The following SLC35F3 variants were observed in gnomAD, a reference collection of about 807,000 sequenced individuals.
The protein encoded by SLC35F3 is putative thiamine transporter SLC35F3.
A neutral mutation model predicts 49.9 loss-of-function variants in SLC35F3; 25 were observed. That is an observed-to-expected ratio of 0.50 (90% CI 0.37 to 0.70). The LOEUF (loss-of-function observed/expected upper bound fraction) is 0.70. Among genes scored for constraint, SLC35F3 ranks in the 30% least tolerant of loss-of-function variants. The pLI is 0.00. For missense variants in SLC35F3, 525 were observed against 639.8 expected (o/e 0.82, Z 1.94); for synonymous variants, 275 against 265.4 (o/e 1.04, Z -0.35).
At chr1:234,090,224 A>T (rs750371340) in intron 2 of SLC35F3, among the ~76,000 whole-genome samples, 2 of 152,278 alleles carry the variant, frequency 1.3e-5, no homozygotes, top group Admixed American at 1.3e-4. Flanking sequence ...ACTGTGTGCT[A>T]TGTGCCAGAG....
At chr1:234,232,537 AAAAG>A (rs1285011516) in intron 3 of SLC35F3, among the ~76,000 whole-genome samples, 4 of 149,114 alleles carry the variant, frequency 2.7e-5, no homozygotes, top group East Asian at 3.9e-4. Context: ...AAAAAAAAAA[AAAAG>A]AAAAAGAAAA....
At chr1:233,911,818 G>A (rs1661879285) in intron 2 of SLC35F3, among the ~76,000 whole-genome samples, 1 of 152,136 alleles carries the variant, frequency 6.6e-6, no homozygotes, top group African/African-American at 2.4e-5. Context: ...TGGGGAAATG[G>A]CCTCACCTCC....
At chr1:234,290,265 C>CA (rs1553261764) in intron 3 of SLC35F3, among the ~76,000 whole-genome samples, 4 of 151,174 alleles carry the variant, frequency 2.6e-5, no homozygotes, top group Non-Finnish European at 5.9e-5. Flanking sequence ...GCTTCAGAAG[C>CA]AAAATGAAGA....
At chr1:233,933,772 C>G (rs116339987) in intron 2 of SLC35F3, among the ~76,000 whole-genome samples, 1 of 152,098 alleles carries the variant, frequency 6.6e-6, no homozygotes, top group African/African-American at 2.4e-5. Context: ...ACCTGGAAGG[C>G]GTAGGCGTAG....
chr1:234,023,710 T>G (rs1336487700), intron 2 of SLC35F3, among the ~76,000 whole-genome samples: 1 of 151,982 alleles, frequency 6.6e-6, no homozygotes, highest in Non-Finnish European at 1.5e-5. Context: ...AGGGTCCACA[T>G]CATGCTGGTA....
intron 2 of SLC35F3, among the ~76,000 whole-genome samples, chr1:234,164,873 C>T (rs1401149765): frequency 6.6e-6 from 1 of 151,976 alleles, no homozygotes; most frequent in South Asian, 2.1e-4. Context: ...GACATTATTT[C>T]CTGTGTTTTG....
intron 3 of SLC35F3, among the ~76,000 whole-genome samples, chr1:234,236,610 G>T (rs1351730260): frequency 6.6e-6 from 1 of 152,026 alleles, no homozygotes; most frequent in Non-Finnish European, 1.5e-5. Context: ...GATGTAATTG[G>T]GGTAAGGTGA....
rs934979301 is a variant in SLC35F3 at position 234,036,820 on chromosome 1, G to T, written c.283+131062G>T. Among the ~76,000 whole-genome samples the T allele has an allele frequency of 3.3e-5, 5 of 152,252 alleles. No individual in the cohort carries two copies. The South Asian group carries it at 6.2e-4, about 19-fold the overall frequency. Reference sequence around the variant, plus strand: ...TGCCATCAATTTCTGAGCCTTCTTGGGGTTTTGTAGTATAATTAGTTTGGT... The same window carrying T: ...TGCCATCAATTTCTGAGCCTTCTTGTGGTTTTGTAGTATAATTAGTTTGGT... On this transcript the variant is annotated intron_variant, in intron 2 of 7. Coordinates refer to ENST00000366618, the MANE Select transcript of SLC35F3 (RefSeq NM_173508.4).
chr1:234,006,229 G>GAAA (rs1663628699), intron 2 of SLC35F3, among the ~76,000 whole-genome samples: 2 of 152,064 alleles, frequency 1.3e-5, no homozygotes, highest in Non-Finnish European at 2.9e-5. Context: ...GAGAATAAAT[G>GAAA]GCTAGTTCAT....
chr1:234,017,290 A>ATG lies in SLC35F3; in HGVS notation c.283+111533_283+111534dup, dbSNP rs557798290. 4.6e-5 allele frequency among the ~76,000 whole-genome samples: 7 copies of ATG among 152,364 alleles called. No homozygotes were observed. The South Asian group carries it at 1.4e-3, about 32-fold the overall frequency. ...AGTGGTGATGTTCTATAAAGTCATC[A>ATG]TGAACACTGAATTAAGGAATACTGA... is the stretch of plus-strand genomic sequence containing the variant. On this transcript the variant is annotated intron_variant, in intron 2 of 7. Transcript: ENST00000366618.
intron 2 of SLC35F3, among the ~76,000 whole-genome samples, chr1:233,929,181 G>A (rs1419763518): frequency 6.6e-6 from 1 of 152,170 alleles, no homozygotes; most frequent in Admixed American, 6.5e-5. Context: ...CAAGGGTAGA[G>A]AAACAGAATT....
At chr1:234,021,605 C>T (rs1663897295) in intron 2 of SLC35F3, among the ~76,000 whole-genome samples, 2 of 152,144 alleles carry the variant, frequency 1.3e-5, no homozygotes, top group Admixed American at 1.3e-4. Flanking sequence ...TGATATAACC[C>T]AGCCAAAGGC....
intron 2 of SLC35F3, among the ~76,000 whole-genome samples, chr1:234,155,395 G>GATTATTATTATTATTATT (rs71583784): frequency 6.7e-6 from 1 of 149,292 alleles, no homozygotes; most frequent in African/African-American, 2.5e-5. Flanking sequence ...CTATTCACCT[G>GATTATTATTATTATTATT]ATTATTATTA....
chr1:234,058,328 A>ATGTTTTTTTTTTTTTT (rs1664486007), intron 2 of SLC35F3, among the ~76,000 whole-genome samples: 1 of 39,792 alleles, frequency 2.5e-5, no homozygotes, highest in African/African-American at 1.4e-4. Context: ...ATGTTCCTGA[A>ATGTTTTTTTTTTTTTT]TTTTTTTTTT....
chr1:233,941,635 A>T (rs1185262022), intron 2 of SLC35F3, among the ~76,000 whole-genome samples: 1 of 152,198 alleles, frequency 6.6e-6, no homozygotes, highest in Non-Finnish European at 1.5e-5. Flanking sequence ...CACACAAATG[A>T]TTGTCATAAC....
In SLC35F3 at chr1:233,934,737, T is replaced by C. The variant is rs573954545; in HGVS notation, c.283+28979T>C. 2.6e-5 allele frequency among the ~76,000 whole-genome samples: 4 copies of C among 151,336 alleles called. No homozygotes were observed. In the South Asian group the frequency reaches 8.4e-4, roughly 32 times the overall value. On this transcript the variant is annotated intron_variant, in intron 2 of 7. Coordinates refer to ENST00000366618, the MANE Select transcript of SLC35F3 (RefSeq NM_173508.4). ...TCAGATACCACTATACAGGAGATCT[T>C]ATTAATTTTAAAATAATCAAAAAAG...
intron 2 of SLC35F3, among the ~76,000 whole-genome samples, chr1:233,937,454 A>G (rs1662352669): frequency 6.6e-6 from 1 of 152,264 alleles, no homozygotes; most frequent in Admixed American, 6.5e-5. Context: ...TGCAGAGACC[A>G]GTAAAGATAA....
chr1:234,003,938 G>T (rs1056714475), intron 2 of SLC35F3, among the ~76,000 whole-genome samples: 1 of 152,130 alleles, frequency 6.6e-6, no homozygotes, highest in African/African-American at 2.4e-5. Flanking sequence ...CAAGAATTTA[G>T]CAGTGTGATA....
chr1:234,239,084 T>A (rs1178563731), intron 3 of SLC35F3, among the ~76,000 whole-genome samples: 1 of 152,204 alleles, frequency 6.6e-6, no homozygotes, highest in African/African-American at 2.4e-5. Context: ...TCATGATACC[T>A]GAGGCTGGAA....
Sources: gnomAD v4.1 joint callset for allele counts (sites outside exome capture counted in the v4.1 genomes callset) on GRCh38, gnomAD v4.1.1 for gene constraint, MANE v1.5 for transcripts, NCBI Gene and HGNC (gene_info 2026-07-23, HGNC 2026-07-21) for gene names.